CDK19: variants seen among roughly 807,000 people sequenced by gnomAD.
The protein encoded by CDK19 is cyclin dependent kinase 19.
Under a neutral mutation model 68.3 loss-of-function variants are expected in CDK19, and 20 were observed. The ratio of observed to expected loss-of-function variants is 0.29; its 90% CI spans 0.21 to 0.43. The LOEUF (loss-of-function observed/expected upper bound fraction) is 0.43. Ranked by LOEUF, CDK19 falls within the 20% of genes least tolerant of loss-of-function variation. The probability of loss-of-function intolerance (pLI) is 1.00; values close to 1 mark genes in which losing one functional copy is unlikely to be tolerated. For missense variants in CDK19, 339 were observed against 623.5 expected (o/e 0.54, Z 4.86); for synonymous variants, 221 against 222.8 (o/e 0.99, Z 0.07).
intron 1 of CDK19, among the ~76,000 whole-genome samples, chr6:110,751,325 G>C (rs981738680): frequency 6.6e-6 from 1 of 152,120 alleles, no homozygotes; most frequent in African/African-American, 2.4e-5. Context: ...CCTCCCGTCA[G>C]ATCAGTGGCG....
intron 4 of CDK19, chr6:110,646,312 A>G: frequency 6.7e-7 from 1 of 1,488,872 alleles, no homozygotes; most frequent in East Asian, 2.5e-5. Flanking sequence ...CTCAGCGACT[A>G]CCTGCGCGAA....
chr6:110,648,934 G>A (rs1182647612), intron 4 of CDK19, among the ~76,000 whole-genome samples: 1 of 151,868 alleles, frequency 6.6e-6, no homozygotes, highest in Non-Finnish European at 1.5e-5. Context: ...GGTCAGGCTG[G>A]TCTCGAACTC....
chr6:110,752,175 T>C (rs1370378153), intron 1 of CDK19, among the ~76,000 whole-genome samples: 1 of 152,186 alleles, frequency 6.6e-6, no homozygotes, highest in East Asian at 1.9e-4. Context: ...AACAGTATTC[T>C]TTATTACATA....
intron 1 of CDK19, among the ~76,000 whole-genome samples, chr6:110,797,877 C>A (rs1307018967): frequency 1.3e-5 from 2 of 148,576 alleles, no homozygotes; most frequent in Non-Finnish European, 3.0e-5. Flanking sequence ...CCCAGCTAGT[C>A]GGGAGGCTGA....
In CDK19 at chr6:110,611,343, C is replaced by T. The variant is rs1349263066; in HGVS notation, c.*3192G>A. The T allele has an allele frequency of 3.9e-5, 6 of 152,238 alleles. No homozygotes were observed. The East Asian group carries it at 1.2e-3, about 29-fold the overall frequency. 9.4% of individuals were successfully genotyped at this position (152,238 alleles called of 1,614,324 possible). A position where few individuals can be genotyped will look rare whatever the true frequency, so the allele number is the denominator to read the frequency against. ...TCCCATAGGCTGAGGGATGCCCCTC[C>T]TGTACCCTTGGGGGACATAACAGTA... On this transcript the variant is annotated 3_prime_UTR_variant, in exon 13 of 13. Coordinates refer to ENST00000368911, the MANE Select transcript of CDK19 (RefSeq NM_015076.5).
At chr6:110,650,812 G>A (rs1780914121) in intron 4 of CDK19, among the ~76,000 whole-genome samples, 1 of 152,152 alleles carries the variant, frequency 6.6e-6, no homozygotes, top group African/African-American at 2.4e-5. Flanking sequence ...GAAACCCAAG[G>A]AAGGGCTTGC....
At chr6:110,768,601 TGC>T (rs974342287) in intron 1 of CDK19, among the ~76,000 whole-genome samples, 1 of 152,130 alleles carries the variant, frequency 6.6e-6, no homozygotes, top group African/African-American at 2.4e-5. Context: ...GATTCTCAAA[TGC>T]ATATTACAAA....
At chr6:110,651,854 T>C (rs1241671249) in intron 4 of CDK19, among the ~76,000 whole-genome samples, 1 of 152,180 alleles carries the variant, frequency 6.6e-6, no homozygotes, top group East Asian at 1.9e-4. Flanking sequence ...ACTACAGTTT[T>C]AGTTTATTTA....
rs1326681541 is a variant in CDK19 at position 110,626,982 on chromosome 6, TA to T, written c.790+19del. 1 of 1,590,698 alleles carries T rather than the reference TA, an allele frequency of 6.3e-7. No homozygotes were observed. Among genetic ancestry groups the T allele is most frequent in the Non-Finnish European group, 8.5e-7 (1 of 1,169,728 alleles). On this transcript the variant is annotated intron_variant, in intron 7 of 12. Coordinates refer to ENST00000368911, the MANE Select transcript of CDK19 (RefSeq NM_015076.5). ...TGAAATATGACTCAAAATATGACTTTAAAAAGGAAAATAAATTACCTGCAGG... is the reference window on the plus strand; with the variant it reads ...TGAAATATGACTCAAAATATGACTTTAAAAGGAAAATAAATTACCTGCAGG...
chr6:110,803,771 G>A (rs991948465), intron 1 of CDK19, among the ~76,000 whole-genome samples: 3 of 152,180 alleles, frequency 2.0e-5, no homozygotes, highest in African/African-American at 4.8e-5. Context: ...TTCGAGACCA[G>A]TCTGGGCAAC....
At chr6:110,770,623 T>C (rs1307148675) in intron 1 of CDK19, among the ~76,000 whole-genome samples, 1 of 151,972 alleles carries the variant, frequency 6.6e-6, no homozygotes, top group African/African-American at 2.4e-5. Context: ...CCAAATCTCA[T>C]GTCCTCACAT....
chr6:110,737,847 G>C (rs1241838175), intron 2 of CDK19, among the ~76,000 whole-genome samples: 1 of 152,048 alleles, frequency 6.6e-6, no homozygotes, highest in Non-Finnish European at 1.5e-5. Context: ...TTTTTCATAA[G>C]GAAATATCCA....
At chr6:110,772,806 T>C (rs1052637035) in intron 1 of CDK19, among the ~76,000 whole-genome samples, 2 of 150,994 alleles carry the variant, frequency 1.3e-5, no homozygotes, top group Non-Finnish European at 2.9e-5. Context: ...AGTGGGAGGA[T>C]TGCTTAGGCC....
At chr6:110,807,310 A>G (rs1782745628) in intron 1 of CDK19, among the ~76,000 whole-genome samples, 1 of 152,216 alleles carries the variant, frequency 6.6e-6, no homozygotes, top group Non-Finnish European at 1.5e-5. Context: ...GCAGCACACT[A>G]GCATGTCATA....
chr6:110,751,411 G>A (rs1028184039), intron 1 of CDK19, among the ~76,000 whole-genome samples: 1 of 151,756 alleles, frequency 6.6e-6, no homozygotes, highest in Non-Finnish European at 1.5e-5. Context: ...CTCCTTATGA[G>A]AATCTAATGC....
At chr6:110,651,267 G>A (rs187972904) in intron 4 of CDK19, among the ~76,000 whole-genome samples, 13 of 92,456 alleles carry the variant, frequency 1.4e-4, no homozygotes, top group South Asian at 4.4e-4. Context: ...CTATCTATCC[G>A]TCTAACACCT....
intron 1 of CDK19, 83 bp from the exon 2 acceptor site, chr6:110,746,284 C>G (rs560672058): frequency 2.6e-6 from 2 of 762,924 alleles, no homozygotes; most frequent in Non-Finnish European, 4.3e-6. Context: ...TGGAAATGCA[C>G]TTAATTTCTC....
At chr6:110,690,765 C>G (rs1223778873) in intron 2 of CDK19, among the ~76,000 whole-genome samples, 1 of 152,058 alleles carries the variant, frequency 6.6e-6, no homozygotes, top group Admixed American at 6.6e-5. Context: ...AATGACAGAA[C>G]TCATATAGAG....
chr6:110,690,792 T>C (rs1260262658), intron 2 of CDK19, among the ~76,000 whole-genome samples: 1 of 151,680 alleles, frequency 6.6e-6, no homozygotes, highest in East Asian at 1.9e-4. Context: ...CCCCTGAAAA[T>C]ACCAAAAGCC....
Sources: allele counts gnomAD v4.1 joint callset (sites outside exome capture counted in the v4.1 genomes callset), GRCh38; gene constraint gnomAD v4.1.1; transcripts MANE v1.5; gene names NCBI Gene and HGNC (gene_info 2026-07-23, HGNC 2026-07-21).